ITGB5: variants seen among roughly 807,000 people sequenced by gnomAD.
The protein encoded by ITGB5 is integrin beta-5.
A neutral mutation model predicts 84.8 loss-of-function variants in ITGB5; 38 were observed. The observed-to-expected ratio is 0.45, with a 90% CI of 0.35 to 0.59. The LOEUF is 0.59. ITGB5 is among the 20% of genes least tolerant of loss of function. The pLI is 0.01. For synonymous variants in ITGB5, 393 were observed against 414.4 expected (o/e 0.95, Z 0.63); for missense variants, 905 against 1,034.5 (o/e 0.87, Z 1.72).
intron 5 of ITGB5, among the ~76,000 whole-genome samples, chr3:124,831,663 A>T (rs998000220): frequency 6.6e-6 from 1 of 152,194 alleles, no homozygotes; most frequent in African/African-American, 2.4e-5. Context: ...GCCATCCCAG[A>T]GACTGTAGCT....
intron 9 of ITGB5, among the ~76,000 whole-genome samples, chr3:124,797,541 G>A (rs1244844257): frequency 1.3e-5 from 2 of 152,200 alleles, no homozygotes; most frequent in South Asian, 4.1e-4. Context: ...AATATGTAAG[G>A]AAGTGTTTCT....
At chr3:124,791,554 G>A (rs2064150765) in intron 10 of ITGB5, 1 of 152,310 alleles carries the variant, frequency 6.6e-6, no homozygotes, top group South Asian at 2.1e-4. Flanking sequence ...GAGTTTCTCT[G>A]GGGTGACCCT....
intron 2 of ITGB5, among the ~76,000 whole-genome samples, chr3:124,864,751 A>G (rs1464066614): frequency 6.6e-6 from 1 of 152,158 alleles, no homozygotes; most frequent in Non-Finnish European, 1.5e-5. Flanking sequence ...AAGTTGAAAA[A>G]AAAAAGAAAA....
chr3:124,846,363 T>C (rs2107600752), intron 4 of ITGB5, among the ~76,000 whole-genome samples: 1 of 150,458 alleles, frequency 6.6e-6, no homozygotes, highest in Non-Finnish European at 1.5e-5. Context: ...GCTGGATCCC[T>C]GAGTTACTGC....
At chr3:124,766,123 C>T (rs374136408) in intron 13 of ITGB5, 103 bp downstream of exon 13, 31 of 1,219,688 alleles carry the variant, frequency 2.5e-5, no homozygotes, top group Middle Eastern at 2.9e-4. Flanking sequence ...TTTCAAAAGG[C>T]CGATGAGGAC....
intron 4 of ITGB5, among the ~76,000 whole-genome samples, chr3:124,844,205 CAAAAAAAAAAAAAAA>C (rs58956636): frequency 1.2e-5 from 1 of 85,914 alleles, no homozygotes; most frequent in Non-Finnish European, 2.2e-5. Flanking sequence ...TTGGTTTTGG[CAAAAAAAAAAAAAAA>C]AAAAAAAAAA....
Position 124,796,770 on chromosome 3 carries a change from G to A in ITGB5, c.1311C>T (p.His437=), listed in dbSNP as rs766499416. The A allele has an allele frequency of 2.1e-4, 333 of 1,613,290 alleles. 1 individual carries two copies. The highest frequency in any genetic ancestry group is 1.8e-4 in the Non-Finnish European group (215 of 1,179,592). The change falls in exon 10 of 15, where the codon CAC becomes CAT. Residue 437 remains histidine (H), a synonymous_variant. Transcript: ENST00000296181. ...GCCGCAGGGCAAACACATGCTCCGT[G>A]TGTCTGCTGGGACAGCTTCGGGCCT... is the stretch of plus-strand genomic sequence containing the variant. ...SLEARSCPSR[H]TEHVFALRPV...
intron 4 of ITGB5, among the ~76,000 whole-genome samples, chr3:124,847,665 A>G (rs1052513074): frequency 6.6e-6 from 1 of 152,326 alleles, no homozygotes; most frequent in East Asian, 1.9e-4. Context: ...TTGCAGGAGA[A>G]GTTCCATGGA....
chr3:124,764,373 C>T lies in ITGB5; in HGVS notation c.2304+18G>A. 1.3e-6 allele frequency: 2 copies of T among 1,591,470 alleles called. No homozygotes were observed. Among genetic ancestry groups the T allele is most frequent in the Non-Finnish European group, 1.7e-6 (2 of 1,161,498 alleles). On this transcript the variant is annotated intron_variant, in intron 14 of 14. Coordinates refer to ENST00000296181, the MANE Select transcript of ITGB5 (RefSeq NM_002213.5). Reference sequence around the variant, plus strand: ...TGAGCTTGAAGTCTCCTCTGCTTCCCATTTCCCACGTGCTTACCATTTCAT... The same window carrying T: ...TGAGCTTGAAGTCTCCTCTGCTTCCTATTTCCCACGTGCTTACCATTTCAT...
chr3:124,813,257 G>A lies in ITGB5; in HGVS notation c.1129-4101C>T, dbSNP rs368996032. Among the ~76,000 whole-genome samples, 78 of 152,244 alleles carry A rather than the reference G, an allele frequency of 5.1e-4. 1 individual carries two copies. In the South Asian group the frequency reaches 0.016, roughly 31 times the overall value. The stretch of plus-strand genomic sequence containing the variant: ...GTACTTGGAAGGAAAAACCCAAACT[G>A]TTTTTCCTACTCTACTCTCACACAC... On this transcript the variant is annotated intron_variant, in intron 8 of 14. Coordinates refer to ENST00000296181, the MANE Select transcript of ITGB5 (RefSeq NM_002213.5).
chr3:124,883,254 G>T (rs1415998408), intron 1 of ITGB5, among the ~76,000 whole-genome samples: 1 of 152,140 alleles, frequency 6.6e-6, no homozygotes, highest in African/African-American at 2.4e-5. Context: ...GGCCACGCAG[G>T]CACAAAAGGC....
chr3:124,826,441 TC>T (rs1232437487), intron 5 of ITGB5, among the ~76,000 whole-genome samples: 4 of 152,240 alleles, frequency 2.6e-5, no homozygotes, highest in Non-Finnish European at 4.4e-5. Flanking sequence ...AAAGCTTTTT[TC>T]TTATCAGTAG....
intron 10 of ITGB5, 58 bp from the exon 11 acceptor site, chr3:124,773,970 C>T: frequency 6.9e-7 from 1 of 1,457,408 alleles, no homozygotes; most frequent in East Asian, 2.3e-5. Context: ...GAGCACATAA[C>T]CATCTGGTGC....
intron 11 of ITGB5, among the ~76,000 whole-genome samples, chr3:124,770,967 G>C (rs887623887): frequency 6.7e-6 from 1 of 148,530 alleles, no homozygotes; most frequent in Non-Finnish European, 1.5e-5. Flanking sequence ...CTCCCGGCCA[G>C]GATTCTCTGT....
At chr3:124,874,964 T>C (rs1402684057) in intron 1 of ITGB5, among the ~76,000 whole-genome samples, 1 of 152,172 alleles carries the variant, frequency 6.6e-6, no homozygotes, top group African/African-American at 2.4e-5. Flanking sequence ...TTTTGAATAT[T>C]ATCCCAGAAG....
chr3:124,788,136 G>A (rs2064108743), intron 10 of ITGB5, among the ~76,000 whole-genome samples: 1 of 152,104 alleles, frequency 6.6e-6, no homozygotes, highest in Admixed American at 6.6e-5. Flanking sequence ...CTGAGCTCAA[G>A]CAATCCACCC....
intron 2 of ITGB5, among the ~76,000 whole-genome samples, chr3:124,860,735 C>T (rs2065285474): frequency 6.6e-6 from 1 of 152,204 alleles, no homozygotes; most frequent in African/African-American, 2.4e-5. Context: ...GTCCCTTCCT[C>T]TTCCCTCTGG....
intron 5 of ITGB5, among the ~76,000 whole-genome samples, chr3:124,833,793 G>A (rs1207087916): frequency 6.6e-6 from 1 of 152,208 alleles, no homozygotes; most frequent in Non-Finnish European, 1.5e-5. Flanking sequence ...AGTGTCTGGT[G>A]CTGGGAATAT....
intron 2 of ITGB5, among the ~76,000 whole-genome samples, chr3:124,868,971 C>T (rs566113095): frequency 1.3e-5 from 2 of 152,102 alleles, no homozygotes; most frequent in South Asian, 2.1e-4. Context: ...TGGGAGGAGA[C>T]GTGGCCAGCA....
Sources: allele counts gnomAD v4.1 joint callset (sites outside exome capture counted in the v4.1 genomes callset), GRCh38; gene constraint gnomAD v4.1.1; transcripts MANE v1.5; gene names NCBI Gene and HGNC (gene_info 2026-07-23, HGNC 2026-07-21).